Variants in ANKRD36C observed in about 807,000 individuals in gnomAD.
ANKRD36C encodes ankyrin repeat domain 36C, also known as ankyrin repeat domain-containing protein 36C.
A neutral mutation model predicts 276.4 loss-of-function variants in ANKRD36C; 61 were observed. The ratio of observed to expected loss-of-function variants is 0.22; its 90% CI spans 0.18 to 0.27. ANKRD36C has a LOEUF of 0.27. ANKRD36C is among the 10% of genes least tolerant of loss of function. The pLI is 1.00. For synonymous variants in ANKRD36C, 483 were observed against 680.1 expected, an observed-to-expected ratio of 0.71 and a Z score of 4.51; for missense variants, 1,447 against 2,032.3, an observed-to-expected ratio of 0.71 and a Z score of 5.54.
exon 48 of ANKRD36C, chr2:95,889,801 G>T: frequency 6.3e-7 from 1 of 1,586,568 alleles, no homozygotes; most frequent in Non-Finnish European, 8.6e-7. Context: ...AAAATTACCT[G>T]TCCCAGATAT....
chr2:95,869,607 A>G (rs1358079946), intron 59 of ANKRD36C, among the ~76,000 whole-genome samples: 1 of 152,208 alleles, frequency 6.6e-6, no homozygotes, highest in Non-Finnish European at 1.5e-5. Flanking sequence ...TGGTTTCTGC[A>G]TTTCCATCTG....
At chr2:95,946,054 A>G (rs1166434175) in intron 17 of ANKRD36C, among the ~76,000 whole-genome samples, 1 of 149,064 alleles carries the variant, frequency 6.7e-6, no homozygotes. Context: ...AAAAAGTTTA[A>G]TTTGTTTACT....
chr2:95,915,118 T>C (rs1677054316), intron 38 of ANKRD36C, among the ~76,000 whole-genome samples: 1 of 151,746 alleles, frequency 6.6e-6, no homozygotes, highest in East Asian at 2.0e-4. Context: ...ACTCTAGGAC[T>C]TAATTAGAAT....
intron 56 of ANKRD36C, 22 bp downstream of exon 76, chr2:95,882,280 T>A (rs1676101521): frequency 6.5e-7 from 1 of 1,548,614 alleles, no homozygotes; most frequent in Non-Finnish European, 8.7e-7. Context: ...CACATGACAT[T>A]AAATGTATAT....
chr2:95,902,849 G>A (rs1295333645), intron 42 of ANKRD36C, 37 bp downstream of exon 54: 2 of 1,532,786 alleles, frequency 1.3e-6, no homozygotes, highest in Non-Finnish European at 1.8e-6. Flanking sequence ...TTATCTATCT[G>A]GACTGAACAT....
chr2:95,911,243 A>G (rs1295210035), intron 42 of ANKRD36C, among the ~76,000 whole-genome samples: 1 of 151,512 alleles, frequency 6.6e-6, no homozygotes, highest in East Asian at 2.0e-4. Flanking sequence ...AAAGGATAAT[A>G]TATTAGCCTC....
chr2:95,973,509 T>C (rs1021287878), intron 6 of ANKRD36C, among the ~76,000 whole-genome samples: 5 of 152,252 alleles, frequency 3.3e-5, no homozygotes, highest in South Asian at 2.1e-4. Context: ...TTGGCTATAA[T>C]ACTGTACTAT....
chr2:95,865,943 C>A (rs1437622489), intron 60 of ANKRD36C, among the ~76,000 whole-genome samples: 1 of 151,854 alleles, frequency 6.6e-6, no homozygotes, highest in East Asian at 1.9e-4. Context: ...GGAGCACCTG[C>A]AAATTAATAA....
chr2:95,980,119 A>G (rs1247852516), intron 5 of ANKRD36C, among the ~76,000 whole-genome samples: 2 of 152,084 alleles, frequency 1.3e-5, no homozygotes, highest in African/African-American at 4.8e-5. Context: ...GAAAGCAACA[A>G]CAGAATCAAT....
At chr2:95,910,143 C>T (rs1386508990) in intron 42 of ANKRD36C, among the ~76,000 whole-genome samples, 1 of 151,188 alleles carries the variant, frequency 6.6e-6, no homozygotes, top group Non-Finnish European at 1.5e-5. Flanking sequence ...AACTGCTCTC[C>T]ATATATCTTC....
chr2:95,876,294 T>C (rs1429708523), intron 59 of ANKRD36C, 145 bp downstream of exon 79: 25 of 706,882 alleles, frequency 3.5e-5, no homozygotes, highest in Non-Finnish European at 5.9e-5. Flanking sequence ...TATAACTAGT[T>C]AAATGTTTTT....
rs1677492381 is a variant in ANKRD36C, at chr2:95,929,078, C to T, written c.1831G>A (p.Gly611Arg). ...AAGTGTTTTGCAAAATTACCTGTCC[C>T]AGATATTGGTCCCTCCTTTATTTCT... The change falls in exon 26 of 67, where the codon GGG becomes AGG. Residue 611 changes from glycine to arginine, a missense_variant. Around this residue, in one of 13 missense-constraint regions of ANKRD36C, gnomAD observed 565 missense variants for 539.5 expected, o/e 1.05. Coordinates refer to ENST00000456556, the Ensembl canonical transcript of ANKRD36C. The T allele has an allele frequency of 3.7e-6, 6 of 1,603,432 alleles. No individual in the cohort carries two copies. The South Asian group carries it at 4.4e-5, about 12-fold the overall frequency.
chr2:95,945,985 C>T (rs1678036334), intron 17 of ANKRD36C, among the ~76,000 whole-genome samples: 1 of 152,124 alleles, frequency 6.6e-6, no homozygotes, highest in Admixed American at 6.5e-5. Context: ...ATAATATATG[C>T]CTAATAATAC....
At chr2:95,859,802 C>T (rs1675519356) in intron 61 of ANKRD36C, 59 bp downstream of exon 81, 2 of 1,531,674 alleles carry the variant, frequency 1.3e-6, no homozygotes, top group Non-Finnish European at 1.8e-6. Flanking sequence ...AAAACTTCTC[C>T]TTATACGTCT....
chr2:95,930,737 T>A (rs941201492), intron 24 of ANKRD36C, among the ~76,000 whole-genome samples: 1 of 151,582 alleles, frequency 6.6e-6, no homozygotes, highest in African/African-American at 2.4e-5. Context: ...GATTCCTTTT[T>A]TTTAAAATCT....
At chr2:95,878,183 C>G (rs1379218703) in intron 58 of ANKRD36C, among the ~76,000 whole-genome samples, 1 of 62,736 alleles carries the variant, frequency 1.6e-5, no homozygotes, top group Admixed American at 1.9e-4. Context: ...GACTCTGTCT[C>G]AAAAAAAAAA....
intron 36 of ANKRD36C, among the ~76,000 whole-genome samples, chr2:95,917,164 C>A (rs1042079039): frequency 1.3e-5 from 2 of 151,570 alleles, no homozygotes; most frequent in Admixed American, 6.6e-5. Context: ...AAACATGTAT[C>A]TCTGATGCCT....
At chr2:95,984,335 C>T (rs1678984212) in intron 3 of ANKRD36C, among the ~76,000 whole-genome samples, 1 of 151,872 alleles carries the variant, frequency 6.6e-6, no homozygotes, top group African/African-American at 2.4e-5. Flanking sequence ...GCACAGCATC[C>T]AAAACCTGAG....
At chr2:95,891,620 A>G in intron 46 of ANKRD36C, 45 bp downstream of exon 66, 7 of 1,529,928 alleles carry the variant, frequency 4.6e-6, no homozygotes, top group Non-Finnish European at 6.2e-6. Flanking sequence ...AGAATTTCTT[A>G]TCTATCTGCA....
Sources: allele counts gnomAD v4.1 joint callset (sites outside exome capture counted in the v4.1 genomes callset), GRCh38; gene constraint gnomAD v4.1.1; regional missense constraint gnomAD v4.1.1; transcripts MANE v1.5; gene names NCBI Gene and HGNC (gene_info 2026-07-23, HGNC 2026-07-21).